The following TTC7A variants were observed in gnomAD, a reference collection of about 807,000 sequenced individuals.
The protein encoded by TTC7A is tetratricopeptide repeat domain 7A, also known as tetratricopeptide repeat protein 7A.
TTC7A carries 110 observed loss-of-function variants against 103.7 expected under a neutral mutation model. The ratio of observed to expected loss-of-function variants is 1.06; its 90% CI spans 0.91 to 1.24. The LOEUF is 1.24. Ranked by LOEUF, TTC7A falls within the 50% of genes most tolerant of loss-of-function variation. The probability of loss-of-function intolerance (pLI) is 0.00; values close to 1 mark genes in which losing one functional copy is unlikely to be tolerated. For missense variants in TTC7A, 1,340 were observed against 1,116.3 expected (o/e 1.20, Z -2.86); for synonymous variants, 521 against 467.9 (o/e 1.11, Z -1.47).
chr2:46,951,332 A>G (rs1400258222), intron 2 of TTC7A, among the ~76,000 whole-genome samples: 1 of 152,186 alleles, frequency 6.6e-6, no homozygotes, highest in East Asian at 1.9e-4. Flanking sequence ...AAGAAATGCA[A>G]TTAAGAATTA....
At chr2:47,036,644 GC>G (rs1211578223) in intron 15 of TTC7A, among the ~76,000 whole-genome samples, 1 of 152,186 alleles carries the variant, frequency 6.6e-6, no homozygotes, top group Non-Finnish European at 1.5e-5. Context: ...ATCACTCGAG[GC>G]TAGGAGTTTG....
intron 3 of TTC7A, among the ~76,000 whole-genome samples, chr2:46,961,633 G>C (rs969518140): frequency 7.1e-6 from 1 of 141,108 alleles, no homozygotes; most frequent in African/African-American, 2.6e-5. Context: ...GGCTGGGTGC[G>C]GTGGCTCATG....
chr2:47,005,947 G>A lies in TTC7A; in HGVS notation c.1091G>A (p.Arg364Gln), dbSNP rs199513496. 20 of 1,614,146 alleles carry A rather than the reference G, an allele frequency of 1.2e-5. No individual in the cohort carries two copies. The highest frequency in any genetic ancestry group is 2.7e-5 in the African/African-American group (2 of 75,042). Residue 364 changes from arginine (R) to glutamine (Q), a missense_variant, in exon 9 of 20, where the codon CGG (arginine) becomes CAG (glutamine). By Grantham distance (43) the Arg-to-Gln change is conservative. Transcript: ENST00000319190. ...GCAACTCGAGATGTGGTGCTGAGCC[G>A]GGTGCCGGAGCAGGAGGAGGACCGG... is the stretch of plus-strand genomic sequence containing the variant. ...SMATRDVVLS[R>Q]VPEQEEDRTV...
At chr2:47,009,221 T>C (rs960583593) in intron 10 of TTC7A, among the ~76,000 whole-genome samples, 1 of 152,104 alleles carries the variant, frequency 6.6e-6, no homozygotes, top group African/African-American at 2.4e-5. Flanking sequence ...ACCCGCCCAC[T>C]CTGGGCACCC....
At chr2:47,050,613 A>G (rs1047836403) in intron 17 of TTC7A, 1 of 153,432 alleles carries the variant, frequency 6.5e-6, no homozygotes, top group Non-Finnish European at 1.5e-5. Flanking sequence ...ATTTAGTGGA[A>G]TTGCTCAGTT....
intron 1 of TTC7A, among the ~76,000 whole-genome samples, chr2:46,942,011 A>T (rs1244571495): frequency 1.3e-5 from 2 of 152,144 alleles, no homozygotes; most frequent in African/African-American, 4.8e-5. Flanking sequence ...ATATCATGAG[A>T]TCAGTGCATT....
intron 2 of TTC7A, among the ~76,000 whole-genome samples, chr2:46,954,472 C>A (rs527616685): frequency 2.0e-5 from 3 of 151,086 alleles, no homozygotes; most frequent in Admixed American, 2.0e-4. Context: ...AAAATAGCAG[C>A]AAAATGATAC....
chr2:46,976,048 C>T (rs1673846052), intron 4 of TTC7A, among the ~76,000 whole-genome samples: 1 of 152,146 alleles, frequency 6.6e-6, no homozygotes, highest in Non-Finnish European at 1.5e-5. Context: ...TTCTTTTTCC[C>T]TCCGCATCTT....
intron 5 of TTC7A, among the ~76,000 whole-genome samples, chr2:46,988,989 G>T (rs1352556286): frequency 6.6e-6 from 1 of 152,160 alleles, no homozygotes; most frequent in Non-Finnish European, 1.5e-5. Context: ...CATTGTGCTG[G>T]TACAGGGATA....
Position 46,956,868 on chromosome 2 carries a change from C to T in TTC7A, c.378C>T (p.Ile126=). The change falls in exon 3 of 20, where the codon ATC becomes ATT. Residue 126 remains isoleucine (I), a synonymous_variant. Transcript: ENST00000319190. The part of the protein sequence containing the change: ...SPQYMCEAML[I]LGKLHYVEGS... ...AGTACATGTGTGAGGCCATGCTGAT[C>T]CTGGGCAAACTGCATTACGTGGAGG... is the stretch of plus-strand genomic sequence containing the variant. The T allele has an allele frequency of 6.2e-7, 1 of 1,614,204 alleles. No homozygotes were observed. The highest frequency in any genetic ancestry group is 8.5e-7 in the Non-Finnish European group (1 of 1,180,046).
chr2:46,999,429 C>G, intron 8 of TTC7A: 2 of 945,476 alleles, frequency 2.1e-6, no homozygotes, highest in South Asian at 4.9e-5. Flanking sequence ...ATCTACCTAC[C>G]CATTCATCCA....
intron 3 of TTC7A, among the ~76,000 whole-genome samples, chr2:46,967,379 A>ATTCT (rs1672954270): frequency 6.6e-6 from 1 of 152,198 alleles, no homozygotes; most frequent in East Asian, 1.9e-4. Context: ...TTGCGAAACC[A>ATTCT]AAATTCTATG....
At chr2:46,938,080 T>C (rs942453127), upstream of TTC7A, among the ~76,000 whole-genome samples, 9 of 152,176 alleles carry the variant, frequency 5.9e-5, no homozygotes, top group South Asian at 8.3e-4. Flanking sequence ...GGATTTATTA[T>C]GCAAACAAAA....
rs199559356 is a variant in TTC7A, at chr2:46,957,018, G to A, written c.517+11G>A. 333 of 1,613,902 alleles carry A rather than the reference G, an allele frequency of 2.1e-4. 2 individuals are homozygous for A. Among genetic ancestry groups the A allele is most frequent in the Admixed American group, 1.0e-4 (6 of 59,992 alleles). On this transcript the variant is annotated intron_variant, in intron 3 of 19. Coordinates refer to ENST00000319190, the MANE Select transcript of TTC7A (RefSeq NM_020458.4). ...CTTTTGTCATCAAAGGTAGCTGTGGGCACCAGCCTGGGCTCCCCTCCACTG... is the reference window on the plus strand; with the variant it reads ...CTTTTGTCATCAAAGGTAGCTGTGGACACCAGCCTGGGCTCCCCTCCACTG...
rs190057089 is a variant in TTC7A at position 46,930,779 on chromosome 2, C to T, written c.82+13502C>T. On this transcript the variant is annotated intron_variant, in intron 2 of 20. Transcript: ENST00000409245. ...CCTCCCAAAGTGCAGGGATTACAGG[C>T]GTGAGCCACCGCACCCAGCCTGAAG... 5.3e-3 allele frequency among the ~76,000 whole-genome samples: 810 copies of T among 152,172 alleles called. 5 individuals are homozygous for T. The highest frequency in any genetic ancestry group is 9.5e-3 in the Non-Finnish European group (644 of 68,006).
At position 46,978,969 on chromosome 2, in the gene TTC7A, G is replaced by C; in HGVS notation, c.764+62G>C. On this transcript the variant is annotated intron_variant, in intron 5 of 19. Transcript: ENST00000319190. ...TCCCCTGGGCTGAGGCTTTTGACGTGGCCTTAAGGCTGCTCTCCCTCTTCT... is the reference window on the plus strand; with the variant it reads ...TCCCCTGGGCTGAGGCTTTTGACGTCGCCTTAAGGCTGCTCTCCCTCTTCT... 4 of 1,202,284 alleles carry C rather than the reference G, an allele frequency of 3.3e-6. 1 individual carries two copies. The highest frequency in any genetic ancestry group is 3.9e-4 in the Middle Eastern group (2 of 5,134). 74.5% of individuals were successfully genotyped at this position (1,202,284 alleles called of 1,614,324 possible).
At chr2:46,958,436 T>G (rs1672078834) in intron 3 of TTC7A, 2 of 1,261,228 alleles carry the variant, frequency 1.6e-6, no homozygotes, top group Non-Finnish European at 2.1e-6. Context: ...TCCGGGACTT[T>G]CTCCTGAGCC....
chr2:46,947,706 C>T (rs1671053854), intron 1 of TTC7A, among the ~76,000 whole-genome samples: 1 of 152,086 alleles, frequency 6.6e-6, no homozygotes, highest in Non-Finnish European at 1.5e-5. Context: ...GATAGAGACC[C>T]TGTCTGAAAA....
chr2:47,054,863 A>T (rs528925996), intron 18 of TTC7A, among the ~76,000 whole-genome samples: 31 of 151,338 alleles, frequency 2.0e-4, no homozygotes, highest in Non-Finnish European at 2.8e-4. Flanking sequence ...CAGGGGATCT[A>T]TCCTGCTAGA....
Sources: gnomAD v4.1 joint callset for allele counts (sites outside exome capture counted in the v4.1 genomes callset) on GRCh38, gnomAD v4.1.1 for gene constraint, MANE v1.5 for transcripts, NCBI Gene and HGNC (gene_info 2026-07-23, HGNC 2026-07-21) for gene names.